GSKIP: variants seen among roughly 807,000 people sequenced by gnomAD.
The protein encoded by GSKIP is GSK3B interacting protein.
GSKIP carries 5 observed loss-of-function variants against 11.9 expected under a neutral mutation model. That is an observed-to-expected ratio of 0.42 (90% CI 0.22 to 0.89). The LOEUF (loss-of-function observed/expected upper bound fraction) is 0.89. Ranked by LOEUF, GSKIP falls within the 40% of genes least tolerant of loss-of-function variation. The pLI is 0.29. For synonymous variants in GSKIP, 70 were observed against 62.9 expected, an observed-to-expected ratio of 1.11 and a Z score of -0.54; for missense variants, 150 against 166.6, an observed-to-expected ratio of 0.90 and a Z score of 0.55.
intron 1 of GSKIP, among the ~76,000 whole-genome samples, chr14:96,377,632 G>C (rs563165873): frequency 2.6e-5 from 4 of 152,158 alleles, no homozygotes; most frequent in Admixed American, 2.6e-4. Flanking sequence ...TTACCTTCTG[G>C]GGTACATAAT....
chr14:96,371,272 A>G (rs1889038480), intron 1 of GSKIP, among the ~76,000 whole-genome samples: 1 of 152,164 alleles, frequency 6.6e-6, no homozygotes, highest in African/African-American at 2.4e-5. Context: ...CAGTTATTTT[A>G]AGTGTCTGAA....
chr14:96,364,815 C>G (rs1000350868), intron 1 of GSKIP: 1 of 152,212 alleles, frequency 6.6e-6, no homozygotes, highest in African/African-American at 2.4e-5. Flanking sequence ...AAAACGGAAG[C>G]ATGGTGGTAC....
chr14:96,374,396 C>G (rs2139934880), intron 1 of GSKIP, among the ~76,000 whole-genome samples: 1 of 152,166 alleles, frequency 6.6e-6, no homozygotes, highest in Middle Eastern at 3.4e-3. Context: ...AACTCTAAAC[C>G]TACAGATTCC....
chr14:96,367,551 CT>C (rs1157013020), intron 1 of GSKIP, among the ~76,000 whole-genome samples: 1 of 152,204 alleles, frequency 6.6e-6, no homozygotes, highest in African/African-American at 2.4e-5. Flanking sequence ...TGGGGCTGTT[CT>C]TTTGTCAGAC....
At chr14:96,380,381 C>CTA (rs1889313065) in intron 2 of GSKIP, 1 of 152,170 alleles carries the variant, frequency 6.6e-6, no homozygotes, top group African/African-American at 2.4e-5. Context: ...TGACATTCAG[C>CTA]TGTAGGAACT....
intron 1 of GSKIP, among the ~76,000 whole-genome samples, chr14:96,370,903 CAAGAATAT>C (rs1889029395): frequency 6.6e-6 from 1 of 152,102 alleles, no homozygotes; most frequent in Non-Finnish European, 1.5e-5. Flanking sequence ...TTTATAATTA[CAAGAATAT>C]AAATATGTCT....
At chr14:96,382,117 T>A in intron 2 of GSKIP, 130 bp from the exon 3 acceptor site, 1 of 571,502 alleles carries the variant, frequency 1.7e-6, no homozygotes, top group Non-Finnish European at 2.9e-6. Context: ...ATAGTATTTT[T>A]CCTAACAATT....
chr14:96,378,529 C>T (rs1255300952), intron 1 of GSKIP, among the ~76,000 whole-genome samples: 2 of 152,196 alleles, frequency 1.3e-5, no homozygotes, highest in African/African-American at 4.8e-5. Context: ...TTTTAGACTT[C>T]TCATCTCCAG....
intron 1 of GSKIP, among the ~76,000 whole-genome samples, chr14:96,373,563 A>G (rs2139934066): frequency 6.6e-6 from 1 of 152,010 alleles, no homozygotes; most frequent in East Asian, 1.9e-4. Context: ...CTGTGAGTGT[A>G]TTTTCATGTG....
intron 3 of GSKIP, 48 bp downstream of exon 3, chr14:96,382,553 A>C: frequency 6.9e-7 from 1 of 1,451,082 alleles, no homozygotes; most frequent in East Asian, 2.3e-5. Flanking sequence ...TGTCTTTACC[A>C]CTTTATCAAA....
chr14:96,376,859 A>C (rs2139937548), intron 1 of GSKIP, among the ~76,000 whole-genome samples: 1 of 152,346 alleles, frequency 6.6e-6, no homozygotes, highest in Middle Eastern at 3.4e-3. Context: ...TTGATTAATA[A>C]ACTTAGAATC....
intron 1 of GSKIP, chr14:96,365,407 T>C (rs1382591960): frequency 1.4e-5 from 2 of 142,752 alleles, no homozygotes; most frequent in Non-Finnish European, 3.0e-5. Context: ...CACGGGAGAA[T>C]GCTTGATGAA....
rs779503000 is a variant in GSKIP at position 96,375,749 on chromosome 14, A to C, written c.-102-3939A>C. Among the ~76,000 whole-genome samples the C allele has an allele frequency of 4.7e-4, 71 of 152,298 alleles. 1 individual carries two copies. The highest frequency in any genetic ancestry group is 4.6e-4 in the Admixed American group (7 of 15,302). ...GCCCGGCTTGAAATTTATTTCTTAT[A>C]GTAATGGAGGCTGAGAAGTCCAAGG... On this transcript the variant is annotated intron_variant, in intron 1 of 3. Coordinates refer to ENST00000555181, the MANE Select transcript of GSKIP (RefSeq NM_016472.5).
At chr14:96,371,321 C>T (rs913050025) in intron 1 of GSKIP, among the ~76,000 whole-genome samples, 1 of 152,090 alleles carries the variant, frequency 6.6e-6, no homozygotes, top group Non-Finnish European at 1.5e-5. Context: ...TTTCTGCTTC[C>T]TACACCCTAT....
intron 1 of GSKIP, among the ~76,000 whole-genome samples, chr14:96,366,371 G>C (rs1215669749): frequency 6.6e-6 from 1 of 152,228 alleles, no homozygotes; most frequent in Non-Finnish European, 1.5e-5. Flanking sequence ...CGACGGTTTT[G>C]CAATAACAAA....
chr14:96,385,723 G>GAAAA lies in GSKIP; in HGVS notation c.*41_*42insAAAA. 1 of 1,544,092 alleles carries GAAAA rather than the reference G, an allele frequency of 6.5e-7. No homozygotes were observed. ...TTTCAGAGGGGCTGGTGCTGGTACA[G>GAAAA]AATGTTGATATAAAGCTTAAAATTC... On this transcript the variant is annotated 3_prime_UTR_variant, in exon 4 of 4. Transcript: ENST00000555181.
chr14:96,371,746 CA>C (rs1368284362), intron 1 of GSKIP, among the ~76,000 whole-genome samples: 2 of 152,228 alleles, frequency 1.3e-5, no homozygotes, highest in East Asian at 3.9e-4. Flanking sequence ...CACACCCAGC[CA>C]AAACTATCAA....
At chr14:96,377,253 G>A (rs8021984) in intron 1 of GSKIP, among the ~76,000 whole-genome samples, 28,857 of 152,138 alleles carry the variant, frequency 0.19, 2,876 homozygotes, top group Middle Eastern at 0.22. Context: ...GAACATTTCC[G>A]TCATCACAGA....
At chr14:96,375,621 A>G (rs758569982) in intron 1 of GSKIP, among the ~76,000 whole-genome samples, 3 of 151,964 alleles carry the variant, frequency 2.0e-5, no homozygotes, top group African/African-American at 4.8e-5. Flanking sequence ...TATAGTAGAG[A>G]TGGGGTTTCA....
Sources: allele counts gnomAD v4.1 joint callset (sites outside exome capture counted in the v4.1 genomes callset), GRCh38; gene constraint gnomAD v4.1.1; transcripts MANE v1.5; gene names NCBI Gene and HGNC (gene_info 2026-07-23, HGNC 2026-07-21).